The following TUBB1 variants were observed in gnomAD, a reference collection of about 807,000 sequenced individuals.
TUBB1 encodes the protein tubulin beta 1 class VI.
In TUBB1, 28 loss-of-function variants were observed where a neutral mutation model predicts 22.6. The ratio of observed to expected loss-of-function variants is 1.24; its 90% CI spans 0.92 to 1.70. TUBB1 has a LOEUF of 1.70. TUBB1 is among the 40% of genes most tolerant of loss of function. The probability of loss-of-function intolerance (pLI) is 0.00; values close to 1 mark genes in which losing one functional copy is unlikely to be tolerated. For synonymous variants in TUBB1, 226 were observed against 238.0 expected (o/e 0.95, Z 0.46); for missense variants, 577 against 605.5 (o/e 0.95, Z 0.49).
chr20:59,023,772 T>C lies in TUBB1; in HGVS notation c.345T>C (p.Asn115=), dbSNP rs761508995. ...CGGAGGGAGCCGAGCTGATCGAGAA[T>C]GTCCTAGAGGTGGTGAGGCACGAGA... is the stretch of plus-strand genomic sequence containing the variant. The part of the protein sequence containing the change: ...HYTEGAELIE[N]VLEVVRHESE... The change falls in exon 4 of 4, where the codon AAT becomes AAC. Residue 115 remains asparagine, a synonymous_variant. Transcript: ENST00000217133. 1.3e-5 allele frequency: 21 copies of C among 1,614,172 alleles called. No individual in the cohort carries two copies. Among genetic ancestry groups the C allele is most frequent in the Admixed American group, 3.3e-5 (2 of 60,026 alleles).
rs1180756898 is a variant in TUBB1 at position 59,026,453 on chromosome 20, T to G, written c.*1670T>G. The G allele has an allele frequency of 1.3e-5, 2 of 152,232 alleles. No individual in the cohort carries two copies. The highest frequency in any genetic ancestry group is 2.9e-5 in the Non-Finnish European group (2 of 68,042). 9.4% of individuals were successfully genotyped at this position (152,232 alleles called of 1,614,324 possible). A position where few individuals can be genotyped will look rare whatever the true frequency, so the allele number is the denominator to read the frequency against. Reference sequence around the variant, plus strand: ...AAGGATTTACACATGCTTCCTCTGGTGCTTTACTTCCCAAACCTAAAAAAG... The same window carrying G: ...AAGGATTTACACATGCTTCCTCTGGGGCTTTACTTCCCAAACCTAAAAAAG... On this transcript the variant is annotated 3_prime_UTR_variant, in exon 4 of 4. Transcript: ENST00000217133.
rs1343290455 is a variant in TUBB1 at position 59,024,183 on chromosome 20, G to A, written c.756G>A (p.Lys252=). 22 of 1,614,198 alleles carry A rather than the reference G, an allele frequency of 1.4e-5. No homozygotes were observed. The highest frequency in any genetic ancestry group is 1.9e-5 in the Non-Finnish European group (22 of 1,180,030). ...GTCAGCTCAACGCAGACCTGCGCAAGCTGGCGGTGAACATGGTCCCCTTCC... is the reference window on the plus strand; with the variant it reads ...GTCAGCTCAACGCAGACCTGCGCAAACTGGCGGTGAACATGGTCCCCTTCC... ...FPGQLNADLR[K]LAVNMVPFPR... Residue 252 remains lysine (K), a synonymous_variant, in exon 4 of 4, where the codon AAG becomes AAA. Transcript: ENST00000217133. The surrounding 1 kb of genome is among the most constrained non-coding windows in gnomAD (Gnocchi z 4.9).
At chr20:59,022,748 CA>C in intron 1 of TUBB1, 96 bp from the exon 2 acceptor site, 1 of 1,107,780 alleles carries the variant, frequency 9.0e-7, no homozygotes, top group South Asian at 1.3e-5. Flanking sequence ...GAGGGTCAGG[CA>C]ACCAGAGGGA....
intron 1 of TUBB1, among the ~76,000 whole-genome samples, chr20:59,022,241 A>G (rs906889215): frequency 6.7e-6 from 1 of 150,320 alleles, no homozygotes; most frequent in African/African-American, 2.4e-5. Flanking sequence ...AGGCTGAGGC[A>G]GGAGAATCGC....
rs1450847548 is a variant in TUBB1, at chr20:59,024,996, T to C, written c.*213T>C. On this transcript the variant is annotated 3_prime_UTR_variant, in exon 4 of 4. Transcript: ENST00000217133. The surrounding 1 kb of genome is among the most constrained non-coding windows in gnomAD (Gnocchi z 4.9). ...TGACATCTACTAACCTTGAAGAGTT[T>C]GATGTTCAGTGCATACTTATTAACT... is the stretch of plus-strand genomic sequence containing the variant. The C allele has an allele frequency of 1.6e-6, 1 of 610,890 alleles. No individual in the cohort carries two copies. The highest frequency in any genetic ancestry group is 1.8e-5 in the African/African-American group (1 of 54,264). The allele number at this position is 610,890 out of a possible 1,614,324, so 37.8% of individuals were successfully genotyped here.
At chr20:59,019,612 A>G in intron 1 of TUBB1, 33 bp downstream of exon 1, 3 of 1,612,470 alleles carry the variant, frequency 1.9e-6, no homozygotes, top group Non-Finnish European at 2.5e-6. Context: ...TCCTAGCTTT[A>G]CCACAGTCCA....
In TUBB1 at chr20:59,023,546, A is replaced by G. The variant is rs759291984; in HGVS notation, c.223A>G (p.Ser75Gly). 3.1e-6 allele frequency: 5 copies of G among 1,614,106 alleles called. No individual in the cohort carries two copies. The highest frequency in any genetic ancestry group is 4.2e-6 in the Non-Finnish European group (5 of 1,180,050). Residue 75 changes from serine (S) to glycine (G), a missense_variant, in exon 3 of 4, where the codon AGC becomes GGC. Transcript: ENST00000217133. ...LVDLEPGTMD[S>G]IRSSKLGALF... ...GGACCTAGAACCTGGGACGATGGAC[A>G]GCATTCGATCTAGCAAATTAGGAGC...
intron 2 of TUBB1, 144 bp from the exon 3 acceptor site, chr20:59,023,346 A>AG: frequency 1.4e-6 from 1 of 729,818 alleles, no homozygotes; most frequent in South Asian, 1.5e-5. Flanking sequence ...ATATGATGTT[A>AG]GATACTCAAA....
chr20:59,022,669 G>A (rs2091972926), intron 1 of TUBB1, among the ~76,000 whole-genome samples, 176 bp from the exon 2 acceptor site: 1 of 152,148 alleles, frequency 6.6e-6, no homozygotes, highest in African/African-American at 2.4e-5. Context: ...ACTTCACATT[G>A]CTTAGTAGAG....
At position 59,021,306 on chromosome 20, in the gene TUBB1, A is replaced by C. The variant is rs77798183; in HGVS notation, c.58-1539A>C. 9.9e-3 allele frequency among the ~76,000 whole-genome samples: 1,510 copies of C among 152,300 alleles called. 16 individuals carry two copies. Among genetic ancestry groups the C allele is most frequent in the Middle Eastern group, 0.037 (11 of 294 alleles). ...GTCCTGGCTGACTCATCATTTAGAG[A>C]TATAAGAACTTTAAGACACATTTAA... is the stretch of plus-strand genomic sequence containing the variant. On this transcript the variant is annotated intron_variant, in intron 1 of 3. Transcript: ENST00000217133.
intron 1 of TUBB1, among the ~76,000 whole-genome samples, chr20:59,021,054 C>A (rs1261005027): frequency 6.6e-6 from 1 of 152,178 alleles, no homozygotes; most frequent in African/African-American, 2.4e-5. Context: ...CTTTTAAATG[C>A]AGGCGTTTTA....
In TUBB1 at chr20:59,026,518, T is replaced by C. The variant is rs7509432; in HGVS notation, c.*1735T>C. The C allele has an allele frequency of 1.3e-5, 2 of 152,240 alleles. No homozygotes were observed. Among genetic ancestry groups the C allele is most frequent in the African/African-American group, 2.4e-5 (1 of 41,464 alleles). The allele number at this position is 152,240 out of a possible 1,614,324, so 9.4% of individuals were successfully genotyped here. A position where few individuals can be genotyped will look rare whatever the true frequency, so the allele number is the denominator to read the frequency against. On this transcript the variant is annotated 3_prime_UTR_variant, in exon 4 of 4. Transcript: ENST00000217133. ...TAAGGAAGGAGGGATTTAAACCTTT[T>C]AAAAAACTTTTGCTGACTTATATTA...
At chr20:59,022,004 T>TAAAC (rs1555809205) in intron 1 of TUBB1, among the ~76,000 whole-genome samples, 19,145 of 145,840 alleles carry the variant, frequency 0.13, 1,305 homozygotes, top group Middle Eastern at 0.17. Flanking sequence ...TCAAAATAAA[T>TAAAC]AAATAAACAA....
chr20:59,022,028 CAT>C (rs1555809210), intron 1 of TUBB1, among the ~76,000 whole-genome samples: 1 of 151,072 alleles, frequency 6.6e-6, no homozygotes, highest in African/African-American at 2.4e-5. Context: ...AACAAACAAA[CAT>C]AAAAAAATAA....
chr20:59,024,029 GC>G lies in TUBB1; in HGVS notation c.603del (p.Cys201Ter). The G allele has an allele frequency of 6.2e-7, 1 of 1,614,216 alleles. No individual in the cohort carries two copies. On this transcript the variant is annotated frameshift_variant, in exon 4 of 4. Transcript: ENST00000217133. LOFTEE classifies it high-confidence loss of function. This position sits in a 1 kb window ranked among gnomAD's most constrained non-coding sequence, Gnocchi z 4.9. Reference sequence around the variant, plus strand: ...ATTGAGAATGCAGATGCCTGTTTCTGCATTGACAATGAGGCCCTCTATGACA... The same window carrying G: ...ATTGAGAATGCAGATGCCTGTTTCTGATTGACAATGAGGCCCTCTATGACA... ...QLIENADACF[C>X]IDNEALYDIC...
At position 59,026,367 on chromosome 20, in the gene TUBB1, A is replaced by G. The variant is rs1009205993; in HGVS notation, c.*1584A>G. On this transcript the variant is annotated 3_prime_UTR_variant, in exon 4 of 4. Coordinates refer to ENST00000217133, the MANE Select transcript of TUBB1 (RefSeq NM_030773.4). ...AGATTTAGTAAGAAACTCTACCTATATACTTAGTTTGAAGTTAGTAACTTC... is the reference window on the plus strand; with the variant it reads ...AGATTTAGTAAGAAACTCTACCTATGTACTTAGTTTGAAGTTAGTAACTTC... 6.6e-6 allele frequency: 1 copy of G among 152,204 alleles called. No homozygotes were observed. Among genetic ancestry groups the G allele is most frequent in the African/African-American group, 2.4e-5 (1 of 41,456 alleles). The allele number at this position is 152,204 out of a possible 1,614,324, so 9.4% of individuals were successfully genotyped here. A position where few individuals can be genotyped will look rare whatever the true frequency, so the allele number is the denominator to read the frequency against.
chr20:59,024,686 C>T lies in TUBB1; in HGVS notation c.1259C>T (p.Ser420Phe). The change falls in exon 4 of 4, where the codon TCC (serine) becomes TTC (phenylalanine). Residue 420 changes from serine to phenylalanine, a missense_variant. By Grantham distance (155) the Ser-to-Phe change is radical. Coordinates refer to ENST00000217133, the MANE Select transcript of TUBB1 (RefSeq NM_030773.4). This position sits in a 1 kb window ranked among gnomAD's most constrained non-coding sequence, Gnocchi z 4.9. ...GAAAATAACATCCATGATTTGGTAT[C>T]CGAGTACCAACAATTTCAAGATGCC... is the stretch of plus-strand genomic sequence containing the variant. Reference protein sequence around the residue: ...EAENNIHDLVSEYQQFQDAKA... With the variant: ...EAENNIHDLVFEYQQFQDAKA... The T allele has an allele frequency of 6.2e-7, 1 of 1,614,080 alleles. No homozygotes were observed. Among genetic ancestry groups the T allele is most frequent in the Non-Finnish European group, 8.5e-7 (1 of 1,180,012 alleles).
At position 59,024,615 on chromosome 20, in the gene TUBB1, C is replaced by A. The variant is rs752027060; in HGVS notation, c.1188C>A (p.His396Gln). Reference protein sequence around the residue: ...SAMFKRKAFVHWYTSEGMDIN... With the variant: ...SAMFKRKAFVQWYTSEGMDIN... ...TGTTCAAAAGGAAAGCTTTTGTGCA[C>A]TGGTACACCAGCGAAGGGATGGACA... Residue 396 changes from histidine to glutamine, a missense_variant, in exon 4 of 4, where the codon CAC (histidine) becomes CAA (glutamine). Physicochemically the swap from His to Gln is conservative, Grantham distance 24. Transcript: ENST00000217133. This position sits in a 1 kb window ranked among gnomAD's most constrained non-coding sequence, Gnocchi z 4.9. 1.2e-6 allele frequency: 2 copies of A among 1,614,166 alleles called. No homozygotes were observed. The highest frequency in any genetic ancestry group is 1.7e-5 in the Admixed American group (1 of 60,018).
upstream of TUBB1, among the ~76,000 whole-genome samples, chr20:59,018,066 C>T (rs1229203900): frequency 6.6e-6 from 1 of 152,264 alleles, no homozygotes; most frequent in Admixed American, 6.5e-5. Context: ...TGCCCACCTG[C>T]ACCTCGACAG....
Sources: allele counts gnomAD v4.1 joint callset (sites outside exome capture counted in the v4.1 genomes callset), GRCh38; gene constraint gnomAD v4.1.1; non-coding constraint Gnocchi (gnomAD v3.1); transcripts MANE v1.5; gene names NCBI Gene and HGNC (gene_info 2026-07-23, HGNC 2026-07-21).